The following ELK4 variants were observed in gnomAD, a reference collection of about 807,000 sequenced individuals.
The protein encoded by ELK4 is ETS domain-containing protein Elk-4.
In ELK4, 16 loss-of-function variants were observed where a neutral mutation model predicts 29.6. The ratio of observed to expected loss-of-function variants is 0.54; its 90% CI spans 0.37 to 0.82. ELK4 has a LOEUF of 0.82. Among genes scored for constraint, ELK4 ranks in the 40% least tolerant of loss-of-function variants. The pLI is 0.00. For missense variants in ELK4, 465 were observed against 507.1 expected (o/e 0.92, Z 0.80); for synonymous variants, 213 against 191.1 (o/e 1.11, Z -0.95).
intron 1 of ELK4, chr1:205,626,045 CAAT>C: frequency 7.2e-7 from 1 of 1,387,612 alleles, no homozygotes; most frequent in Non-Finnish European, 1.0e-6. Flanking sequence ...TCTTTGTCAA[CAAT>C]GTCATTCTGC....
chr1:205,630,345 G>A (rs965597303), intron 1 of ELK4, among the ~76,000 whole-genome samples: 1 of 152,138 alleles, frequency 6.6e-6, no homozygotes, highest in South Asian at 2.1e-4. Flanking sequence ...ATTAAGGAAA[G>A]GAAGTCTCTA....
chr1:205,623,103 A>AG (rs1670381850), intron 2 of ELK4, among the ~76,000 whole-genome samples: 2 of 150,976 alleles, frequency 1.3e-5, no homozygotes, highest in Non-Finnish European at 1.5e-5. Flanking sequence ...GGTTGCAGTA[A>AG]GCCAAGATCG....
chr1:205,625,974 G>A (rs1265500301), intron 1 of ELK4: 11 of 1,127,842 alleles, frequency 9.8e-6, no homozygotes, highest in Non-Finnish European at 1.4e-5. Context: ...ACTGCGCCCG[G>A]CCCAGTTCTA....
At position 205,625,033 on chromosome 1, in the gene ELK4, A is replaced by C. The variant is rs111833221; in HGVS notation, c.-9-1142T>G. ...TATGATTGAATACTTCACACACACA[A>C]AAAAAAACAAAAACAAAAAACCTTC... is the stretch of plus-strand genomic sequence containing the variant. On this transcript the variant is annotated intron_variant, in intron 1 of 4. Coordinates refer to ENST00000357992, the MANE Select transcript of ELK4 (RefSeq NM_001973.4). Among the ~76,000 whole-genome samples the C allele has an allele frequency of 5.5e-3, 836 of 152,182 alleles. 4 individuals are homozygous for C. Among genetic ancestry groups the C allele is most frequent in the African/African-American group, 0.018 (749 of 41,530 alleles).
At position 205,618,996 on chromosome 1, in the gene ELK4, T is replaced by C; in HGVS notation, c.1158A>G (p.Leu386=). Residue 386 remains leucine, a synonymous_variant, in exon 4 of 5, where the codon CTA becomes CTG. Coordinates refer to ENST00000357992, the MANE Select transcript of ELK4 (RefSeq NM_001973.4). ...TAGCACCTTGCAGTCTGGCTGGACT[T>C]AGGGGAGCAACAGGACTGAGAGTAC... ...FWSTLSPVAP[L]SPARLQGANT... The C allele has an allele frequency of 1.2e-6, 2 of 1,612,042 alleles. No individual in the cohort carries two copies. The highest frequency in any genetic ancestry group is 1.7e-6 in the Non-Finnish European group (2 of 1,179,304).
intron 3 of ELK4, chr1:205,619,677 C>G (rs1318621364): frequency 7.2e-7 from 1 of 1,390,076 alleles, no homozygotes; most frequent in African/African-American, 1.5e-5. Flanking sequence ...TTTATAAGAC[C>G]GAGAGAGAGC....
rs771726214 is a variant in ELK4 at position 205,620,409 on chromosome 1, T to C, written c.637A>G (p.Ser213Gly). Reference protein sequence around the residue: ...PVAATISIGPSISPSSEETIQ... With the variant: ...PVAATISIGPGISPSSEETIQ... ...GTTTCTTCTGAAGATGGAGAAATACTTGGGCCAATTGAAATGGTGGCAGCA... is the reference window on the plus strand; with the variant it reads ...GTTTCTTCTGAAGATGGAGAAATACCTGGGCCAATTGAAATGGTGGCAGCA... The change falls in exon 3 of 5, where the codon AGT becomes GGT. Residue 213 changes from serine (S) to glycine (G), a missense_variant. Ser to Gly is a moderately conservative substitution (Grantham distance 56, BLOSUM62 0). Coordinates refer to ENST00000357992, the MANE Select transcript of ELK4 (RefSeq NM_001973.4). The C allele has an allele frequency of 1.2e-6, 2 of 1,614,102 alleles. No homozygotes were observed. Among genetic ancestry groups the C allele is most frequent in the Non-Finnish European group, 1.7e-6 (2 of 1,180,050 alleles).
intron 1 of ELK4, among the ~76,000 whole-genome samples, chr1:205,630,639 GTTCTTACAATA>G (rs1256334064): frequency 2.0e-5 from 3 of 152,158 alleles, no homozygotes; most frequent in East Asian, 1.9e-4. Flanking sequence ...ATCCTGCACA[GTTCTTACAATA>G]TTCTTACAAT....
Position 205,620,539 on chromosome 1 carries a change from C to A in ELK4, c.507G>T (p.Glu169Asp), listed in dbSNP as rs199770695. Residue 169 changes from glutamate to aspartate, a missense_variant, in exon 3 of 5, where the codon GAG becomes GAT. Around this residue, in one of 2 missense-constraint regions of ELK4, gnomAD observed 385 missense variants for 387.5 expected, o/e 0.99. Coordinates refer to ENST00000357992, the MANE Select transcript of ELK4 (RefSeq NM_001973.4). ...NVKLFKLIKT[E>D]NPAEKLAEKK... ...TCTCTGCCAGTTTCTCGGCTGGATT[C>A]TCAGTCTTTATCAATTTGAAAAGCT... The A allele has an allele frequency of 5.2e-4, 835 of 1,614,170 alleles. 9 individuals are homozygous for A. In the South Asian group the frequency reaches 7.7e-3, roughly 15 times the overall value.
At chr1:205,625,574 GGTGATA>G in intron 1 of ELK4, 3 of 1,019,292 alleles carry the variant, frequency 2.9e-6, no homozygotes, top group South Asian at 2.5e-5. Flanking sequence ...ACCGGGTGCC[GGTGATA>G]GTAGAAAAGG....
In ELK4 at chr1:205,614,596, G is replaced by A. The variant is rs935353945; in HGVS notation, c.*1950C>T. The A allele has an allele frequency of 2.7e-4, 61 of 228,062 alleles. No individual in the cohort carries two copies. The highest frequency in any genetic ancestry group is 1.3e-3 in the Middle Eastern group (1 of 780). The allele number at this position is 228,062 out of a possible 1,614,324, so 14.1% of individuals were successfully genotyped here. ...ACAAATGAACCAGTAACAAGTCTCC[G>A]ACACTACAGATATAAAGGCAGCTCA... is the stretch of plus-strand genomic sequence containing the variant. On this transcript the variant is annotated 3_prime_UTR_variant, in exon 5 of 5. Coordinates refer to ENST00000357992, the MANE Select transcript of ELK4 (RefSeq NM_001973.4).
chr1:205,630,529 C>A (rs1670559795), intron 1 of ELK4, among the ~76,000 whole-genome samples: 1 of 152,134 alleles, frequency 6.6e-6, no homozygotes, highest in African/African-American at 2.4e-5. Flanking sequence ...ATGTATCAAG[C>A]CTAGTTTCGA....
rs530224066 is a variant in ELK4 at position 205,613,338 on chromosome 1, C to T, written c.*3208G>A. On this transcript the variant is annotated 3_prime_UTR_variant, in exon 5 of 5. Transcript: ENST00000357992. ...AAATTAAAGGATTACTGAAAGATCT[C>T]ATTTCTAAAAAAAGAAAAAGAAAAA... The T allele has an allele frequency of 2.6e-4, 49 of 187,088 alleles. No homozygotes were observed. The highest frequency in any genetic ancestry group is 1.1e-3 in the African/African-American group (45 of 42,750). 11.6% of individuals were successfully genotyped at this position (187,088 alleles called of 1,614,324 possible). A position where few individuals can be genotyped will look rare whatever the true frequency, so the allele number is the denominator to read the frequency against.
In ELK4 at chr1:205,609,436, G is replaced by A. The variant is rs1670121662; in HGVS notation, c.*7110C>T. ...AAATAAAGAAATATAATTGTGATTA[G>A]AAAAGATCCAGGGCCAAAACAAATA... On this transcript the variant is annotated 3_prime_UTR_variant, in exon 5 of 5. Transcript: ENST00000357992. The A allele has an allele frequency of 5.2e-6, 1 of 193,062 alleles. No homozygotes were observed. Among genetic ancestry groups the A allele is most frequent in the African/African-American group, 2.3e-5 (1 of 43,246 alleles). The allele number at this position is 193,062 out of a possible 1,614,324, so 12.0% of individuals were successfully genotyped here.
intron 1 of ELK4, among the ~76,000 whole-genome samples, chr1:205,627,632 T>A (rs928178967): frequency 6.6e-6 from 1 of 152,196 alleles, no homozygotes; most frequent in African/African-American, 2.4e-5. Flanking sequence ...CAATAAAGAT[T>A]TTTAAAACAA....
Position 205,614,825 on chromosome 1 carries a change from A to C in ELK4, c.*1721T>G, listed in dbSNP as rs1670205639. On this transcript the variant is annotated 3_prime_UTR_variant, in exon 5 of 5. Coordinates refer to ENST00000357992, the MANE Select transcript of ELK4 (RefSeq NM_001973.4). ...TTCTACAGGATTAGAAGACGAGTTT[A>C]ACCGGTGGGAGAGATTGGTGGGGGA... 1 of 227,138 alleles carries C rather than the reference A, an allele frequency of 4.4e-6. No individual in the cohort carries two copies. Among genetic ancestry groups the C allele is most frequent in the Admixed American group, 5.7e-5 (1 of 17,570 alleles). 14.1% of individuals were successfully genotyped at this position (227,138 alleles called of 1,614,324 possible). A position where few individuals can be genotyped will look rare whatever the true frequency, so the allele number is the denominator to read the frequency against.
chr1:205,625,522 C>T (rs1022188260), intron 1 of ELK4: 27 of 757,052 alleles, frequency 3.6e-5, no homozygotes, highest in East Asian at 7.5e-5. Context: ...GTTCAAGAAA[C>T]GGGCGGCTCC....
rs896727592 is a variant in ELK4, at chr1:205,614,246, A to C, written c.*2300T>G. On this transcript the variant is annotated 3_prime_UTR_variant, in exon 5 of 5. Transcript: ENST00000357992. ...TTCCAAGGTACCTCTGTGCTGAGACAGTTAATTATTAAAAATACTGTCTGT... is the reference window on the plus strand; with the variant it reads ...TTCCAAGGTACCTCTGTGCTGAGACCGTTAATTATTAAAAATACTGTCTGT... 3 of 220,476 alleles carry C rather than the reference A, an allele frequency of 1.4e-5. No homozygotes were observed. The highest frequency in any genetic ancestry group is 2.7e-5 in the Non-Finnish European group (3 of 110,120). The allele number at this position is 220,476 out of a possible 1,614,324, so 13.7% of individuals were successfully genotyped here. A position where few individuals can be genotyped will look rare whatever the true frequency, so the allele number is the denominator to read the frequency against.
chr1:205,620,356 G>A lies in ELK4; in HGVS notation c.690C>T (p.Ser230=). ...GGGCTTCCAGGGAAGGCAGTTTTGG[G>A]GAAACCAATGTCTCCAAAGCTTGGA... The part of the protein sequence containing the change: ...ETIQALETLV[S]PKLPSLEAPT... Residue 230 remains serine (S), a synonymous_variant, in exon 3 of 5, where the codon TCC becomes TCT. Transcript: ENST00000357992. The A allele has an allele frequency of 1.2e-6, 2 of 1,614,178 alleles. No individual in the cohort carries two copies. Among genetic ancestry groups the A allele is most frequent in the Non-Finnish European group, 1.7e-6 (2 of 1,180,034 alleles).
Sources: allele counts gnomAD v4.1 joint callset (sites outside exome capture counted in the v4.1 genomes callset), GRCh38; gene constraint gnomAD v4.1.1; regional missense constraint gnomAD v4.1.1; transcripts MANE v1.5; gene names NCBI Gene and HGNC (gene_info 2026-07-23, HGNC 2026-07-21).